Variants in PDE8B observed in about 807,000 individuals in gnomAD.
The protein encoded by PDE8B is high affinity cAMP-specific and IBMX-insensitive 3',5'-cyclic phosphodiesterase 8B.
Under a neutral mutation model 101.3 loss-of-function variants are expected in PDE8B, and 26 were observed. The observed-to-expected ratio is 0.26, with a 90% confidence interval of 0.19 to 0.36. The LOEUF (loss-of-function observed/expected upper bound fraction) is 0.36, where lower values mean the gene tolerates loss of function less well. PDE8B is among the 10% of genes least tolerant of loss of function. PDE8B has a pLI of 1.00. For synonymous variants in PDE8B, 424 were observed against 429.3 expected, an observed-to-expected ratio of 0.99 and a Z score of 0.15; for missense variants, 810 against 1,163.1, an observed-to-expected ratio of 0.70 and a Z score of 4.42.
At chr5:77,127,179 T>C in the PDE8B span, among the ~76,000 whole-genome samples, 1 of 152,174 alleles carries the variant, frequency 6.6e-6, no homozygotes, top group African/African-American at 2.4e-5. Flanking sequence ...TGGCTCTGTG[T>C]CCCCACCCAA....
the PDE8B span, chr5:77,146,575 A>G: frequency 1.7e-5 from 4 of 233,234 alleles, no homozygotes; most frequent in South Asian, 2.6e-4. Context: ...AACATGGGCA[A>G]AAGAGATCCA....
At chr5:77,403,967 C>A (rs1448125607) in intron 11 of PDE8B, among the ~76,000 whole-genome samples, 1 of 151,882 alleles carries the variant, frequency 6.6e-6, no homozygotes, top group African/African-American at 2.4e-5. Context: ...TACAGGCATG[C>A]ACCACCATGC....
chr5:77,379,290 G>A (rs112692897), intron 10 of PDE8B, among the ~76,000 whole-genome samples: 264 of 152,270 alleles, frequency 1.7e-3, no homozygotes, highest in African/African-American at 6.0e-3. Flanking sequence ...TGCTTGTCTG[G>A]CATGCAGAAA....
chr5:77,241,584 A>G (rs1268639891), intron 1 of PDE8B, among the ~76,000 whole-genome samples: 1 of 152,124 alleles, frequency 6.6e-6, no homozygotes, highest in Non-Finnish European at 1.5e-5. Context: ...ACCAACATGA[A>G]GGATTAGAGG....
At chr5:77,328,028 A>G (rs1776387660) in intron 3 of PDE8B, among the ~76,000 whole-genome samples, 1 of 152,216 alleles carries the variant, frequency 6.6e-6, no homozygotes, top group African/African-American at 2.4e-5. Flanking sequence ...AGAGGAGCAG[A>G]AATGCCCACA....
At chr5:77,340,898 C>T (rs749836977) in intron 6 of PDE8B, among the ~76,000 whole-genome samples, 1 of 152,078 alleles carries the variant, frequency 6.6e-6, no homozygotes, top group Admixed American at 6.6e-5. Context: ...TCTGGACCTT[C>T]GAGGGCTCTT....
At chr5:77,242,489 G>A (rs2149553950) in intron 1 of PDE8B, among the ~76,000 whole-genome samples, 1 of 152,188 alleles carries the variant, frequency 6.6e-6, no homozygotes, top group South Asian at 2.1e-4. Flanking sequence ...TTTGGGATTA[G>A]GCTCTTTGTA....
intron 11 of PDE8B, among the ~76,000 whole-genome samples, chr5:77,403,380 T>C (rs896916614): frequency 1.3e-5 from 2 of 152,198 alleles, no homozygotes; most frequent in African/African-American, 4.8e-5. Context: ...GCAGTATGCA[T>C]CATTTGATGA....
At chr5:77,396,835 A>G (rs1346028729) in intron 10 of PDE8B, among the ~76,000 whole-genome samples, 2 of 152,006 alleles carry the variant, frequency 1.3e-5, no homozygotes, top group African/African-American at 4.8e-5. Flanking sequence ...TTAATTACAT[A>G]TATTAACTAC....
At chr5:77,281,037 G>A (rs1276036023) in intron 1 of PDE8B, among the ~76,000 whole-genome samples, 4 of 152,280 alleles carry the variant, frequency 2.6e-5, no homozygotes, top group African/African-American at 9.6e-5. Context: ...GGCTGGAGGT[G>A]TGCTTGCTGC....
intron 5 of PDE8B, among the ~76,000 whole-genome samples, chr5:77,332,653 C>T (rs755037666): frequency 1.3e-5 from 2 of 152,192 alleles, no homozygotes; most frequent in East Asian, 1.9e-4. Flanking sequence ...GCCTGACCAA[C>T]GTGGAGAAAC....
At chr5:77,170,153 C>T in the PDE8B span, among the ~76,000 whole-genome samples, 8 of 152,168 alleles carry the variant, frequency 5.3e-5, no homozygotes, top group Admixed American at 6.5e-5. Flanking sequence ...GTGTTTTCCT[C>T]CATCATACCC....
chr5:77,385,863 A>G (rs1581399148), intron 10 of PDE8B, among the ~76,000 whole-genome samples: 2 of 135,774 alleles, frequency 1.5e-5, no homozygotes, highest in South Asian at 4.5e-4. Context: ...ATCTCAGCTC[A>G]CTGCAACCTC....
chr5:77,361,408 T>G (rs1373442151), intron 10 of PDE8B, among the ~76,000 whole-genome samples: 1 of 152,134 alleles, frequency 6.6e-6, no homozygotes. Context: ...CAAGAATGAT[T>G]CCCCCAGTAT....
chr5:77,219,162 G>A (rs1392551771), intron 1 of PDE8B, among the ~76,000 whole-genome samples: 1 of 152,146 alleles, frequency 6.6e-6, no homozygotes, highest in African/African-American at 2.4e-5. Flanking sequence ...GAATTCTTTG[G>A]TATAAACTTG....
At position 77,407,432 on chromosome 5, in the gene PDE8B, T is replaced by TGACCATCGAGGC; in HGVS notation, c.1341_1352dup (p.Thr448_Ala451dup). 6.2e-7 allele frequency: 1 copy of TGACCATCGAGGC among 1,613,960 alleles called. No homozygotes were observed. ...CCGTCCATGGCGAGGATCCACTCCATGACCATCGAGGCTCCCATCACAAAG... is the reference window on the plus strand; with the variant it reads ...CCGTCCATGGCGAGGATCCACTCCATGACCATCGAGGCGACCATCGAGGCTCCCATCACAAAG... On this transcript the variant is annotated inframe_insertion, in exon 13 of 22. Transcript: ENST00000264917.
chr5:77,101,881 G>T, the PDE8B span, among the ~76,000 whole-genome samples: 1 of 152,122 alleles, frequency 6.6e-6, no homozygotes, highest in East Asian at 1.9e-4. Context: ...GAGAGATGGG[G>T]AGTCATTGTT....
At chr5:77,150,813 C>T in the PDE8B span, among the ~76,000 whole-genome samples, 1 of 152,204 alleles carries the variant, frequency 6.6e-6, no homozygotes, top group South Asian at 2.1e-4. Context: ...TGAGAACTAC[C>T]CTTATTTTTC....
rs566365974 is a variant in PDE8B at position 77,317,159 on chromosome 5, A to G, written c.399+5106A>G. On this transcript the variant is annotated intron_variant, in intron 2 of 21. Coordinates refer to ENST00000264917, the MANE Select transcript of PDE8B (RefSeq NM_003719.5). ...GAAGGTCAGTTTTATTGTCTATAAC[A>G]CACTAACTTTCAGTGTATTGACATC... Among the ~76,000 whole-genome samples, 3 of 152,258 alleles carry G rather than the reference A, an allele frequency of 2.0e-5. No homozygotes were observed. The East Asian group carries it at 5.8e-4, about 29-fold the overall frequency.
Sources: allele counts gnomAD v4.1 joint callset (sites outside exome capture counted in the v4.1 genomes callset), GRCh38; gene constraint gnomAD v4.1.1; transcripts MANE v1.5; gene names NCBI Gene and HGNC (gene_info 2026-07-23, HGNC 2026-07-21).